Variants in CDC25A observed in about 807,000 individuals in gnomAD.
The protein encoded by CDC25A is M-phase inducer phosphatase 1.
A neutral mutation model predicts 64.6 loss-of-function variants in CDC25A; 17 were observed. That is an observed-to-expected ratio of 0.26 (90% CI 0.18 to 0.39). The LOEUF (loss-of-function observed/expected upper bound fraction) is 0.39. CDC25A is among the 10% of genes least tolerant of loss of function. CDC25A has a pLI of 1.00. For synonymous variants in CDC25A, 229 were observed against 238.6 expected, an observed-to-expected ratio of 0.96 and a Z score of 0.37; for missense variants, 473 against 654.8, an observed-to-expected ratio of 0.72 and a Z score of 3.03.
At chr3:48,160,956 A>G (rs1049856132) in intron 13 of CDC25A, among the ~76,000 whole-genome samples, 1 of 151,532 alleles carries the variant, frequency 6.6e-6, no homozygotes, top group African/African-American at 2.4e-5. Flanking sequence ...GTTCGAGACC[A>G]GCCTGGCCAA....
At chr3:48,160,999 A>C (rs1037893841) in intron 13 of CDC25A, among the ~76,000 whole-genome samples, 1 of 151,818 alleles carries the variant, frequency 6.6e-6, no homozygotes. Context: ...TAAAACTACA[A>C]AAAATTAGCT....
chr3:48,172,471 A>C (rs1000428241), intron 9 of CDC25A, among the ~76,000 whole-genome samples: 3 of 152,218 alleles, frequency 2.0e-5, no homozygotes, highest in Non-Finnish European at 4.4e-5. Flanking sequence ...ATGAAGGAAA[A>C]ACATACAAAT....
intron 9 of CDC25A, among the ~76,000 whole-genome samples, chr3:48,171,858 A>C (rs1365302678): frequency 6.6e-6 from 1 of 152,182 alleles, no homozygotes; most frequent in Non-Finnish European, 1.5e-5. Context: ...GTATACTTGT[A>C]AGTCAAAACA....
chr3:48,163,394 C>T (rs1042708572), intron 13 of CDC25A, among the ~76,000 whole-genome samples: 6 of 151,716 alleles, frequency 4.0e-5, no homozygotes, highest in Admixed American at 1.3e-4. Flanking sequence ...CACCTAAGGT[C>T]GGGAGTTCAA....
At chr3:48,176,517 ATGTGTGTGTG>A (rs1219755603) in intron 8 of CDC25A, among the ~76,000 whole-genome samples, 12 of 110,526 alleles carry the variant, frequency 1.1e-4, no homozygotes. Context: ...TATACTGTGT[ATGTGTGTGTG>A]TGAGTATATA....
At chr3:48,168,640 T>TA (rs1232305699) in intron 9 of CDC25A, among the ~76,000 whole-genome samples, 248 of 130,524 alleles carry the variant, frequency 1.9e-3, no homozygotes, top group African/African-American at 6.1e-3. Flanking sequence ...TTTTTTTTTT[T>TA]AAAAAGACAG....
In CDC25A at chr3:48,159,234, C is replaced by A. The variant is rs1055341472; in HGVS notation, c.1434+110G>T. The A allele has an allele frequency of 6.4e-6, 8 of 1,245,458 alleles. No individual in the cohort carries two copies. In the African/African-American group the frequency reaches 1.2e-4, roughly 19 times the overall value. 77.2% of individuals were successfully genotyped at this position (1,245,458 alleles called of 1,614,324 possible). On this transcript the variant is annotated intron_variant, in intron 14 of 14. Transcript: ENST00000302506. ...GGGCTTTCTTTGGGTTCAGCAGATA[C>A]CCACCTTGTCCCCCGACCCCTGGAA...
rs1438956060 is a variant in CDC25A at position 48,187,979 on chromosome 3, C to T, written c.-32G>A. The T allele has an allele frequency of 2.9e-6, 4 of 1,389,870 alleles. No individual in the cohort carries two copies. The highest frequency in any genetic ancestry group is 3.7e-6 in the Non-Finnish European group (4 of 1,077,812). The allele number at this position is 1,389,870 out of a possible 1,614,324, so 86.1% of individuals were successfully genotyped here. A position where few individuals can be genotyped will look rare whatever the true frequency, so the allele number is the denominator to read the frequency against. ...GCCCGGCCTCGCAGAGCTCCCGCTC[C>T]CTCTTCCTCTGCCTCCGCCGCGACC... On this transcript the variant is annotated 5_prime_UTR_variant, in exon 1 of 15. Transcript: ENST00000302506.
intron 10 of CDC25A, among the ~76,000 whole-genome samples, chr3:48,167,247 T>G (rs2032061585): frequency 6.6e-6 from 1 of 152,234 alleles, no homozygotes; most frequent in Non-Finnish European, 1.5e-5. Flanking sequence ...AAATGTTAAC[T>G]AAATTAATGA....
chr3:48,159,499 C>T (rs370851611), intron 13 of CDC25A, 44 bp from the exon 14 acceptor site: 2 of 1,367,436 alleles, frequency 1.5e-6, no homozygotes, highest in African/African-American at 2.9e-5. Context: ...GCTTTTCCAG[C>T]ACAGCAACAA....
intron 1 of CDC25A, 138 bp from the exon 2 acceptor site, chr3:48,186,917 C>CCACTTTG: frequency 1.6e-6 from 1 of 613,336 alleles, no homozygotes; most frequent in Non-Finnish European, 2.9e-6. Context: ...TGGCAAAGAT[C>CCACTTTG]CCACTTTGCC....
rs2032917339 is a variant in CDC25A, at chr3:48,188,099, C to G, written c.-152G>C. 4 of 577,896 alleles carry G rather than the reference C, an allele frequency of 6.9e-6. No individual in the cohort carries two copies. Among genetic ancestry groups the G allele is most frequent in the Admixed American group, 4.6e-5 (1 of 21,678 alleles). 35.8% of individuals were successfully genotyped at this position (577,896 alleles called of 1,614,324 possible). ...CCGCGGTTCAGGGACGCGGCTGCCGCGGGCAAGCGGCGCGGCCGGGCGGGT... is the reference window on the plus strand; with the variant it reads ...CCGCGGTTCAGGGACGCGGCTGCCGGGGGCAAGCGGCGCGGCCGGGCGGGT... On this transcript the variant is annotated 5_prime_UTR_variant, in exon 1 of 15. Coordinates refer to ENST00000302506, the MANE Select transcript of CDC25A (RefSeq NM_001789.3).
Sources: allele counts gnomAD v4.1 joint callset (sites outside exome capture counted in the v4.1 genomes callset), GRCh38; gene constraint gnomAD v4.1.1; transcripts MANE v1.5; gene names NCBI Gene and HGNC (gene_info 2026-07-23, HGNC 2026-07-21).